The following CHIC1 variants were observed in gnomAD, a reference collection of about 807,000 sequenced individuals.
CHIC1 encodes the protein cysteine-rich hydrophobic domain-containing protein 1.
A neutral mutation model predicts 18.5 loss-of-function variants in CHIC1; 7 were observed. That is an observed-to-expected ratio of 0.38 (90% CI 0.22 to 0.71). The LOEUF (loss-of-function observed/expected upper bound fraction) is 0.71, where lower values mean the gene tolerates loss of function less well. CHIC1 is among the 30% of genes least tolerant of loss of function. The probability of loss-of-function intolerance (pLI) is 0.49; values close to 1 mark genes in which losing one functional copy is unlikely to be tolerated. For missense variants in CHIC1, 159 were observed against 176.9 expected, an observed-to-expected ratio of 0.90 and a Z score of 0.57; for synonymous variants, 77 against 73.5, an observed-to-expected ratio of 1.05 and a Z score of -0.25.
intron 3 of CHIC1, among the ~76,000 whole-genome samples, chrX:73,639,968 T>G (rs2057847583): frequency 8.9e-6 from 1 of 111,942 alleles, no homozygotes; most frequent in African/African-American, 3.2e-5. Flanking sequence ...AATCTTGTCA[T>G]CTGCAAACTG....
chrX:73,674,253 G>A (rs2058049034), intron 3 of CHIC1, among the ~76,000 whole-genome samples: 1 of 111,715 alleles, frequency 9.0e-6, no homozygotes, highest in Admixed American at 9.5e-5. Flanking sequence ...CTCATAAAAT[G>A]ACTTAGGGCA....
intron 3 of CHIC1, among the ~76,000 whole-genome samples, chrX:73,651,677 G>C (rs1026198129): frequency 1.3e-4 from 14 of 111,035 alleles, no homozygotes; most frequent in African/African-American, 4.6e-4. Context: ...AATAAGGGAT[G>C]TGAAGGACCT....
At chrX:73,608,625 T>A (rs1194410027) in intron 3 of CHIC1, among the ~76,000 whole-genome samples, 1 of 108,258 alleles carries the variant, frequency 9.2e-6, no homozygotes, top group Admixed American at 9.7e-5. Context: ...TTAGATTTAA[T>A]CCTAAGTATT....
intron 1 of CHIC1, among the ~76,000 whole-genome samples, chrX:73,570,332 A>G (rs2057464678): frequency 9.0e-6 from 1 of 111,111 alleles, no homozygotes; most frequent in African/African-American, 3.3e-5. Flanking sequence ...AAGGAGAACC[A>G]CATGAGCAAG....
Position 73,681,374 on chromosome X carries a change from A to G in CHIC1, c.*369A>G, listed in dbSNP as rs1337815537. ...TAAACTCGCATCATTTTTCTAGGCT[A>G]CTTGATGCTCTGTAATCCCTTACTG... On this transcript the variant is annotated 3_prime_UTR_variant, in exon 6 of 6. Coordinates refer to ENST00000373502, the MANE Select transcript of CHIC1 (RefSeq NM_001039840.4). The G allele has an allele frequency of 1.5e-5, 2 of 135,993 alleles. No homozygotes were observed. The highest frequency in any genetic ancestry group is 6.4e-5 in the African/African-American group (2 of 31,410). The allele number at this position is 135,993 out of a possible 1,213,427, so 11.2% of individuals were successfully genotyped here.
intron 3 of CHIC1, among the ~76,000 whole-genome samples, chrX:73,651,742 CACAA>C (rs1279582030): frequency 4.5e-5 from 5 of 111,284 alleles, no homozygotes; most frequent in Non-Finnish European, 9.4e-5. Context: ...TAAGAGAGGA[CACAA>C]ACAAATGGAA....
At chrX:73,658,179 T>G (rs2057959924) in intron 3 of CHIC1, among the ~76,000 whole-genome samples, 1 of 108,500 alleles carries the variant, frequency 9.2e-6, no homozygotes, top group South Asian at 4.1e-4. Flanking sequence ...ATTGGAATAG[T>G]TTTAGTAGGA....
At chrX:73,614,802 T>C (rs2057724827) in intron 3 of CHIC1, among the ~76,000 whole-genome samples, 1 of 111,399 alleles carries the variant, frequency 9.0e-6, no homozygotes, top group African/African-American at 3.3e-5. Flanking sequence ...TGTTTTACTC[T>C]ACTCTGTGTA....
intron 3 of CHIC1, among the ~76,000 whole-genome samples, chrX:73,625,825 CCTGT>C (rs910711034): frequency 1.8e-5 from 2 of 110,667 alleles, no homozygotes; most frequent in Non-Finnish European, 3.8e-5. Flanking sequence ...GGCCTTTAAC[CCTGT>C]CTATCTCTAG....
intron 3 of CHIC1, among the ~76,000 whole-genome samples, chrX:73,612,836 T>C (rs1207946412): frequency 2.7e-5 from 3 of 112,280 alleles, no homozygotes; most frequent in African/African-American, 9.7e-5. Context: ...TGGTCTAATA[T>C]GTAGTTTAAG....
At chrX:73,608,687 G>A (rs1281824722) in intron 3 of CHIC1, among the ~76,000 whole-genome samples, 1 of 107,577 alleles carries the variant, frequency 9.3e-6, no homozygotes, top group Non-Finnish European at 1.9e-5. Flanking sequence ...TTTCATCAGC[G>A]TGTTTATTAT....
chrX:73,656,100 T>A (rs2057947722), intron 3 of CHIC1, among the ~76,000 whole-genome samples: 1 of 112,122 alleles, frequency 8.9e-6, no homozygotes, highest in South Asian at 3.7e-4. Flanking sequence ...GGCATTTGTA[T>A]GTCTTCCTTT....
intron 3 of CHIC1, among the ~76,000 whole-genome samples, chrX:73,605,957 G>A (rs1217985463): frequency 9.3e-6 from 1 of 108,063 alleles, no homozygotes; most frequent in East Asian, 2.8e-4. Flanking sequence ...TGGTGAATCT[G>A]ATGATTATGT....
intron 3 of CHIC1, among the ~76,000 whole-genome samples, chrX:73,650,780 C>A (rs1250114906): frequency 9.2e-6 from 1 of 109,179 alleles, no homozygotes; most frequent in Non-Finnish European, 1.9e-5. Context: ...GAGTTGGTAC[C>A]ATTTCTTCTG....
intron 3 of CHIC1, among the ~76,000 whole-genome samples, chrX:73,666,449 T>G (rs1286222263): frequency 8.9e-6 from 1 of 111,981 alleles, no homozygotes; most frequent in Non-Finnish European, 1.9e-5. Context: ...GCTGGGAGGC[T>G]AGGCCAGTCT....
chrX:73,568,833 A>G (rs1603339345), intron 1 of CHIC1, among the ~76,000 whole-genome samples: 1 of 111,743 alleles, frequency 8.9e-6, no homozygotes, highest in African/African-American at 3.2e-5. Flanking sequence ...CAAACAGTGC[A>G]TTTCTCCAAA....
At chrX:73,617,970 G>A (rs1424595771) in intron 3 of CHIC1, among the ~76,000 whole-genome samples, 2 of 111,961 alleles carry the variant, frequency 1.8e-5, no homozygotes, top group Non-Finnish European at 3.8e-5. Context: ...GTCCCATGGG[G>A]TGCTTCATTG....
chrX:73,629,700 G>A (rs1226563119), intron 3 of CHIC1, among the ~76,000 whole-genome samples: 1 of 111,949 alleles, frequency 8.9e-6, no homozygotes, highest in Admixed American at 9.5e-5. Context: ...TAGCTTGAAA[G>A]TATAGTTTGA....
At chrX:73,642,128 CCCA>C (rs1410447908) in intron 3 of CHIC1, among the ~76,000 whole-genome samples, 2 of 111,800 alleles carry the variant, frequency 1.8e-5, no homozygotes, top group Non-Finnish European at 3.8e-5. Flanking sequence ...AGTTTACAAT[CCCA>C]CCAACAGTGT....
Sources: gnomAD v4.1 joint callset for allele counts (sites outside exome capture counted in the v4.1 genomes callset) on GRCh38, gnomAD v4.1.1 for gene constraint, MANE v1.5 for transcripts, NCBI Gene and HGNC (gene_info 2026-07-23, HGNC 2026-07-21) for gene names.